MGAT4C: variants seen among roughly 807,000 people sequenced by gnomAD.
MGAT4C encodes alpha-1,3-mannosyl-glycoprotein 4-beta-N-acetylglucosaminyltransferase C.
MGAT4C carries 19 observed loss-of-function variants against 40.1 expected under a neutral mutation model. The observed-to-expected ratio is 0.47, with a 90% CI of 0.33 to 0.70. MGAT4C has a LOEUF of 0.70. Ranked by LOEUF, MGAT4C falls within the 30% of genes least tolerant of loss-of-function variation. MGAT4C has a pLI of 0.02. For missense variants in MGAT4C, 491 were observed against 563.2 expected, an observed-to-expected ratio of 0.87 and a Z score of 1.30; for synonymous variants, 181 against 187.1, an observed-to-expected ratio of 0.97 and a Z score of 0.27.
intron 2 of MGAT4C, among the ~76,000 whole-genome samples, chr12:86,654,656 C>T (rs1963790848): frequency 6.6e-6 from 1 of 151,382 alleles, no homozygotes; most frequent in African/African-American, 2.4e-5. Flanking sequence ...AATCAAAAGT[C>T]CCAGAATCTC....
intron 1 of MGAT4C, among the ~76,000 whole-genome samples, chr12:86,228,655 C>T (rs918605445): frequency 1.3e-5 from 2 of 150,106 alleles, no homozygotes; most frequent in Admixed American, 6.6e-5. Flanking sequence ...TAAGGATTTG[C>T]ATTTGTGAAA....
At chr12:85,998,470 T>A (rs1471466361) in intron 2 of MGAT4C, among the ~76,000 whole-genome samples, 1 of 152,208 alleles carries the variant, frequency 6.6e-6, no homozygotes, top group Non-Finnish European at 1.5e-5. Context: ...GCTGCAAATT[T>A]TCTGAACTTT....
At chr12:86,152,438 A>T (rs1013546726) in intron 1 of MGAT4C, among the ~76,000 whole-genome samples, 1 of 152,192 alleles carries the variant, frequency 6.6e-6, no homozygotes, top group Admixed American at 6.5e-5. Flanking sequence ...TAGCCTTTCT[A>T]TAAGGGCCAT....
chr12:86,568,566 A>ATC lies in MGAT4C; in HGVS notation c.-228-133303_-228-133302dup, dbSNP rs1266447990. Among the ~76,000 whole-genome samples, 11 of 150,004 alleles carry ATC rather than the reference A, an allele frequency of 7.3e-5. 1 individual carries two copies. In the East Asian group the frequency reaches 1.8e-3, roughly 24 times the overall value. ...CCTTCATATATATATATATATATAT[A>ATC]TCCTGTTAGTTCTCTCCCTCTAGAG... On this transcript the variant is annotated intron_variant, in intron 2 of 7. Coordinates refer to the MGAT4C transcript ENST00000548651.
chr12:86,819,238 A>G (rs1397346740), intron 1 of MGAT4C, among the ~76,000 whole-genome samples: 1 of 150,886 alleles, frequency 6.6e-6, no homozygotes, highest in African/African-American at 2.4e-5. Flanking sequence ...ATGAGAAATA[A>G]AAAACTGAAG....
intron 1 of MGAT4C, among the ~76,000 whole-genome samples, chr12:86,769,065 A>T (rs1047343846): frequency 2.0e-5 from 3 of 152,112 alleles, no homozygotes; most frequent in Non-Finnish European, 4.4e-5. Flanking sequence ...AGAAACTACC[A>T]TCAGAGTGAA....
In MGAT4C at chr12:86,691,899, T is replaced by G. The variant is rs117131737; in HGVS notation, c.-229+35310A>C. On this transcript the variant is annotated intron_variant, in intron 2 of 7. Coordinates refer to the MGAT4C transcript ENST00000548651. ...AAAGTATTTACAAGACAAAATGAAATTTCAATTGATAGTTCTACTTCTGAG... is the reference window on the plus strand; with the variant it reads ...AAAGTATTTACAAGACAAAATGAAAGTTCAATTGATAGTTCTACTTCTGAG... Among the ~76,000 whole-genome samples, 850 of 152,212 alleles carry G rather than the reference T, an allele frequency of 5.6e-3. 3 individuals are homozygous for G. The highest frequency in any genetic ancestry group is 8.9e-3 in the Non-Finnish European group (606 of 67,966).
intron 1 of MGAT4C, among the ~76,000 whole-genome samples, chr12:86,085,605 C>G (rs1257330103): frequency 6.6e-6 from 1 of 151,814 alleles, no homozygotes; most frequent in Non-Finnish European, 1.5e-5. Context: ...AACAGGCAAC[C>G]TACAGAATGG....
intron 2 of MGAT4C, among the ~76,000 whole-genome samples, chr12:86,698,406 C>T (rs1593126419): frequency 6.6e-6 from 1 of 151,538 alleles, no homozygotes; most frequent in African/African-American, 2.4e-5. Flanking sequence ...TGTGTGTGAA[C>T]TTAACAGATT....
At chr12:86,816,416 C>G (rs958354439) in intron 1 of MGAT4C, among the ~76,000 whole-genome samples, 1 of 151,574 alleles carries the variant, frequency 6.6e-6, no homozygotes, top group African/African-American at 2.4e-5. Context: ...GAATATTTTA[C>G]TTTTGTGTAT....
At chr12:86,219,823 T>G (rs61949012) in intron 1 of MGAT4C, among the ~76,000 whole-genome samples, 11,188 of 152,202 alleles carry the variant, frequency 0.074, 578 homozygotes, top group Middle Eastern at 0.22. Flanking sequence ...GGAAGGCCTA[T>G]CCCCCTAATC....
rs1003166934 is a variant in MGAT4C at position 86,812,776 on chromosome 12, G to A, written c.-262+25890C>T. Among the ~76,000 whole-genome samples, 3 of 152,180 alleles carry A rather than the reference G, an allele frequency of 2.0e-5. No homozygotes were observed. In the South Asian group the frequency reaches 6.2e-4, roughly 32 times the overall value. On this transcript the variant is annotated intron_variant, in intron 1 of 7. Transcript: ENST00000548651. ...TACTAAGAACGACTCTTGAGACTGGGTCTCTTTTGTTGGTTTTGCCAACCT... is the reference window on the plus strand; with the variant it reads ...TACTAAGAACGACTCTTGAGACTGGATCTCTTTTGTTGGTTTTGCCAACCT...
chr12:86,570,915 G>A (rs1960336645), intron 2 of MGAT4C, among the ~76,000 whole-genome samples: 1 of 152,066 alleles, frequency 6.6e-6, no homozygotes, highest in South Asian at 2.1e-4. Context: ...CTGGGTTTAA[G>A]CGATTCTCAT....
intron 2 of MGAT4C, among the ~76,000 whole-genome samples, chr12:86,635,118 A>G (rs1018669937): frequency 6.6e-6 from 1 of 152,090 alleles, no homozygotes; most frequent in Non-Finnish European, 1.5e-5. Context: ...GTCATCTTAC[A>G]AGTTTCCTTA....
At chr12:86,643,484 C>T (rs1011579275) in intron 2 of MGAT4C, among the ~76,000 whole-genome samples, 3 of 151,780 alleles carry the variant, frequency 2.0e-5, no homozygotes, top group Non-Finnish European at 4.4e-5. Flanking sequence ...GTGACATACC[C>T]ACTCATAGGA....
At chr12:86,147,248 T>TTC (rs1325834314) in intron 1 of MGAT4C, among the ~76,000 whole-genome samples, 25 of 148,934 alleles carry the variant, frequency 1.7e-4, no homozygotes, top group Non-Finnish European at 3.4e-4. Context: ...TTTATTAAAT[T>TTC]TTTTTTTTTT....
chr12:85,992,997 C>A (rs1364191643), intron 2 of MGAT4C, among the ~76,000 whole-genome samples: 2 of 152,184 alleles, frequency 1.3e-5, no homozygotes, highest in Non-Finnish European at 2.9e-5. Flanking sequence ...CTTAAGCTTG[C>A]CCCAGCCTAA....
At chr12:86,579,289 G>GTT (rs532228779) in intron 2 of MGAT4C, among the ~76,000 whole-genome samples, 154 of 151,304 alleles carry the variant, frequency 1.0e-3, no homozygotes, top group African/African-American at 3.5e-3. Context: ...TATAATTCAG[G>GTT]TTTTTGCTTT....
intron 1 of MGAT4C, among the ~76,000 whole-genome samples, chr12:86,787,889 A>C (rs1420594716): frequency 6.6e-6 from 1 of 152,066 alleles, no homozygotes; most frequent in African/African-American, 2.4e-5. Flanking sequence ...CTTAGTAAAG[A>C]GAGAGGAATA....
Sources: gnomAD v4.1 joint callset for allele counts (sites outside exome capture counted in the v4.1 genomes callset) on GRCh38, gnomAD v4.1.1 for gene constraint, MANE v1.5 for transcripts, NCBI Gene and HGNC (gene_info 2026-07-23, HGNC 2026-07-21) for gene names.